RCOR1: variants seen among roughly 807,000 people sequenced by gnomAD.
The protein encoded by RCOR1 is REST corepressor.
RCOR1 carries 12 observed loss-of-function variants against 64.0 expected under a neutral mutation model. The observed-to-expected ratio is 0.19, with a 90% CI of 0.12 to 0.30. The LOEUF (loss-of-function observed/expected upper bound fraction) is 0.30. Among genes scored for constraint, RCOR1 ranks in the 10% least tolerant of loss-of-function variants. The probability of loss-of-function intolerance (pLI) is 1.00; values close to 1 mark genes in which losing one functional copy is unlikely to be tolerated. For missense variants in RCOR1, 502 were observed against 621.2 expected, an observed-to-expected ratio of 0.81 and a Z score of 2.04; for synonymous variants, 279 against 227.2, an observed-to-expected ratio of 1.23 and a Z score of -2.05.
chr14:102,665,334 TA>T (rs1894898724), intron 2 of RCOR1, among the ~76,000 whole-genome samples: 3 of 123,878 alleles, frequency 2.4e-5, no homozygotes, highest in African/African-American at 9.4e-5. Context: ...TTTTTTTAAA[TA>T]AAATAGGCTT....
In RCOR1 at chr14:102,644,140, C is replaced by T. The variant is rs1894430584; in HGVS notation, c.362-37755C>T. ...AGGGTGCTGAAGTGGCCTTGGCTGG[C>T]CAGACAGCTTTCTTCCTGGTGTCTC... On this transcript the variant is annotated intron_variant, in intron 2 of 11. Coordinates refer to ENST00000262241, the MANE Select transcript of RCOR1 (RefSeq NM_015156.4). Among the ~76,000 whole-genome samples, 2 of 152,174 alleles carry T rather than the reference C, an allele frequency of 1.3e-5. 1 individual carries two copies. The highest frequency in any genetic ancestry group is 4.1e-4 in the South Asian group (2 of 4,824).
intron 2 of RCOR1, among the ~76,000 whole-genome samples, chr14:102,598,739 C>T (rs538830094): frequency 3.9e-5 from 6 of 152,282 alleles, no homozygotes; most frequent in East Asian, 3.9e-4. Context: ...TGAGCCGCCA[C>T]GCCTGGCCCT....
At chr14:102,668,553 A>T (rs1894963671) in intron 2 of RCOR1, among the ~76,000 whole-genome samples, 3 of 152,156 alleles carry the variant, frequency 2.0e-5, no homozygotes, top group African/African-American at 7.2e-5. Context: ...TATCTGCTGA[A>T]GCCCTTTCTG....
rs754925733 is a variant in RCOR1, at chr14:102,592,949, GGCCGCCTCCGCCTCCGCCGCC to G, written c.76_96del (p.Ser26_Ala32del). ...GGAAGCGGAGAGGGAGGAACAACGC[GGCCGCCTCCGCCTCCGCCGCC>G]GCCGCCTCCGCCGCCGCCTCGGCCG... On this transcript the variant is annotated inframe_deletion, in exon 1 of 12. Transcript: ENST00000262241. The G allele has an allele frequency of 3.0e-3, 3,578 of 1,200,702 alleles. 10 individuals are homozygous for G. The highest frequency in any genetic ancestry group is 3.4e-3 in the Non-Finnish European group (3,237 of 962,706). The allele number at this position is 1,200,702 out of a possible 1,614,324, so 74.4% of individuals were successfully genotyped here.
chr14:102,677,226 C>T (rs1358864443), intron 2 of RCOR1, among the ~76,000 whole-genome samples: 1 of 138,038 alleles, frequency 7.2e-6, no homozygotes, highest in Non-Finnish European at 1.6e-5. Flanking sequence ...CCCCTCCCCC[C>T]TCCCGGACGG....
intron 2 of RCOR1, among the ~76,000 whole-genome samples, chr14:102,639,449 A>T (rs1206893954): frequency 6.6e-6 from 1 of 150,996 alleles, no homozygotes; most frequent in Non-Finnish European, 1.5e-5. Flanking sequence ...AGTAGCTGGG[A>T]ATACATGTAT....
At chr14:102,687,951 A>G (rs1895453458) in intron 3 of RCOR1, among the ~76,000 whole-genome samples, 1 of 149,590 alleles carries the variant, frequency 6.7e-6, no homozygotes, top group African/African-American at 2.5e-5. Context: ...GACAGAAGAA[A>G]TGATAGCATT....
In RCOR1 at chr14:102,653,024, C is replaced by T. The variant is rs1894623208; in HGVS notation, c.362-28871C>T. On this transcript the variant is annotated intron_variant, in intron 2 of 11. Transcript: ENST00000262241. Reference sequence around the variant, plus strand: ...CTTGGCTCACTGCAACCTCTATCTCCTGGGTTCAAGCGATTCTCCTGCCTC... The same window carrying T: ...CTTGGCTCACTGCAACCTCTATCTCTTGGGTTCAAGCGATTCTCCTGCCTC... Among the ~76,000 whole-genome samples, 8 of 152,110 alleles carry T rather than the reference C, an allele frequency of 5.3e-5. 1 individual carries two copies. The South Asian group carries it at 1.7e-3, about 31-fold the overall frequency.
chr14:102,661,978 C>G (rs944363880), intron 2 of RCOR1, among the ~76,000 whole-genome samples: 13 of 151,906 alleles, frequency 8.6e-5, no homozygotes, highest in Non-Finnish European at 1.6e-4. Context: ...CCAGGCTGGT[C>G]TCAAATTCCT....
intron 2 of RCOR1, among the ~76,000 whole-genome samples, chr14:102,600,103 G>C (rs924344400): frequency 2.0e-5 from 3 of 151,406 alleles, no homozygotes; most frequent in African/African-American, 7.3e-5. Context: ...TTTTGAGACG[G>C]AGTCTCGCTC....
intron 2 of RCOR1, among the ~76,000 whole-genome samples, chr14:102,672,465 G>T (rs2139949764): frequency 6.6e-6 from 1 of 152,222 alleles, no homozygotes; most frequent in Admixed American, 6.5e-5. Context: ...GCCCGCCTCG[G>T]CTTCCCAAAG....
chr14:102,677,094 A>G (rs1475649593), intron 2 of RCOR1, among the ~76,000 whole-genome samples: 2 of 111,674 alleles, frequency 1.8e-5, no homozygotes, highest in African/African-American at 3.6e-5. Context: ...CTCACTTCCC[A>G]GTAGGGGCGG....
In RCOR1 at chr14:102,593,244, C is replaced by A; in HGVS notation, c.302-22C>A. On this transcript the variant is annotated intron_variant, in intron 1 of 11. Coordinates refer to ENST00000262241, the MANE Select transcript of RCOR1 (RefSeq NM_015156.4). ...CCCGCGCCCCGCGCCGCGCTGACCG[C>A]CGTATTCTGCTTCCCCCGCAGGTGG... 2 of 1,507,032 alleles carry A rather than the reference C, an allele frequency of 1.3e-6. 1 individual carries two copies. Among genetic ancestry groups the A allele is most frequent in the South Asian group, 2.5e-5 (2 of 79,264 alleles). The allele number at this position is 1,507,032 out of a possible 1,614,324, so 93.4% of individuals were successfully genotyped here.
chr14:102,625,533 C>CTT (rs1349751482), intron 2 of RCOR1, among the ~76,000 whole-genome samples: 2 of 138,636 alleles, frequency 1.4e-5, no homozygotes, highest in South Asian at 2.3e-4. Flanking sequence ...CCGCGCCTGG[C>CTT]TTTTTTTTTT....
At chr14:102,626,915 C>T (rs1475062784) in intron 2 of RCOR1, among the ~76,000 whole-genome samples, 2 of 152,178 alleles carry the variant, frequency 1.3e-5, no homozygotes, top group African/African-American at 2.4e-5. Context: ...TGCTTGCTTT[C>T]CCATAGCTCA....
At chr14:102,655,363 G>A in intron 2 of RCOR1, 1 of 985,252 alleles carries the variant, frequency 1.0e-6, no homozygotes, top group Non-Finnish European at 1.2e-6. Context: ...GAAGCTGAAT[G>A]ACTCATGGGC....
At chr14:102,597,733 A>C (rs1445167493) in intron 2 of RCOR1, among the ~76,000 whole-genome samples, 1 of 147,898 alleles carries the variant, frequency 6.8e-6, no homozygotes, top group African/African-American at 2.5e-5. Flanking sequence ...TCCCGGGTTC[A>C]AGCAGTTCTC....
At chr14:102,673,225 T>G (rs972873731) in intron 2 of RCOR1, among the ~76,000 whole-genome samples, 12 of 152,218 alleles carry the variant, frequency 7.9e-5, no homozygotes, top group Non-Finnish European at 1.0e-4. Context: ...TATTATACAT[T>G]TCCTTTAACT....
At chr14:102,716,536 C>T (rs1001557590) in intron 8 of RCOR1, among the ~76,000 whole-genome samples, 1 of 151,856 alleles carries the variant, frequency 6.6e-6, no homozygotes, top group African/African-American at 2.4e-5. Context: ...TTTGTTGTTA[C>T]ATGTCGGATT....
Sources: allele counts gnomAD v4.1 joint callset (sites outside exome capture counted in the v4.1 genomes callset), GRCh38; gene constraint gnomAD v4.1.1; transcripts MANE v1.5; gene names NCBI Gene and HGNC (gene_info 2026-07-23, HGNC 2026-07-21).